The following PGBD2 variants were observed in gnomAD, a reference collection of about 807,000 sequenced individuals.
PGBD2 encodes the protein piggyBac transposable element-derived protein 2.
Under a neutral mutation model 8.1 loss-of-function variants are expected in PGBD2, and 6 were observed. That is an observed-to-expected ratio of 0.74 (90% confidence interval 0.40 to 1.46). The LOEUF (loss-of-function observed/expected upper bound fraction) is 1.46. Ranked by LOEUF, PGBD2 falls within the 40% of genes most tolerant of loss-of-function variation. The pLI is 0.02. For missense variants in PGBD2, 802 were observed against 739.0 expected, an observed-to-expected ratio of 1.09 and a Z score of -0.99; for synonymous variants, 318 against 272.2, an observed-to-expected ratio of 1.17 and a Z score of -1.66.
chr1:248,875,308 C>CAAAAAAAAAAAAAAAAAAAAAAAA, the PGBD2 span, among the ~76,000 whole-genome samples: 6 of 110,224 alleles, frequency 5.4e-5, no homozygotes, highest in Non-Finnish European at 9.1e-5. Flanking sequence ...AAAAACAAAA[C>CAAAAAAAAAAAAAAAAAAAAAAAA]AAAAAAAAAA....
the PGBD2 span, among the ~76,000 whole-genome samples, chr1:248,875,339 A>G: frequency 1.4e-5 from 2 of 140,506 alleles, no homozygotes; most frequent in African/African-American, 6.4e-5. Context: ...GAAAAGAAAA[A>G]AAGAAAGAAA....
chr1:248,874,428 T>A, the PGBD2 span, among the ~76,000 whole-genome samples: 1 of 152,198 alleles, frequency 6.6e-6, no homozygotes, highest in Non-Finnish European at 1.5e-5. Context: ...GGTGTCCTCA[T>A]TTTGCAGAGT....
chr1:248,911,642 C>T (rs6683759), intron 1 of PGBD2, among the ~76,000 whole-genome samples: 3 of 126,182 alleles, frequency 2.4e-5, no homozygotes, highest in East Asian at 4.4e-4. Context: ...GCACACCTCC[C>T]AGACGGGGCG....
chr1:248,889,883 G>A, the PGBD2 span, among the ~76,000 whole-genome samples: 2 of 151,624 alleles, frequency 1.3e-5, no homozygotes, highest in Non-Finnish European at 2.9e-5. Context: ...AGCAGTCCAA[G>A]CCTCTGATAA....
the PGBD2 span, among the ~76,000 whole-genome samples, chr1:248,879,587 CAG>C: frequency 6.6e-6 from 1 of 151,908 alleles, no homozygotes; most frequent in Non-Finnish European, 1.5e-5. Flanking sequence ...TTTGTAGAGA[CAG>C]GGGTCTTGCT....
chr1:248,897,961 G>C, the PGBD2 span, among the ~76,000 whole-genome samples: 1 of 152,178 alleles, frequency 6.6e-6, no homozygotes, highest in East Asian at 1.9e-4. Flanking sequence ...AGCAGCTACG[G>C]CAGGTTGTGG....
intron 2 of PGBD2, among the ~76,000 whole-genome samples, chr1:248,915,431 T>C (rs1305027608): frequency 1.3e-5 from 2 of 152,246 alleles, no homozygotes; most frequent in Non-Finnish European, 2.9e-5. Context: ...TAATACTTAA[T>C]TATAAAATAG....
At chr1:248,922,573 GTA>G (rs1238761591), downstream of PGBD2, among the ~76,000 whole-genome samples, 1 of 152,140 alleles carries the variant, frequency 6.6e-6, no homozygotes, top group Non-Finnish European at 1.5e-5. Flanking sequence ...TGCCCATTCA[GTA>G]TGATATTGGC....
the PGBD2 span, among the ~76,000 whole-genome samples, chr1:248,873,229 T>G: frequency 4.6e-5 from 7 of 152,052 alleles, no homozygotes; most frequent in East Asian, 1.4e-3. Flanking sequence ...GGCCTTCCCA[T>G]TGGACGCTAA....
At chr1:248,923,313 T>TA (rs1662324173), downstream of PGBD2, among the ~76,000 whole-genome samples, 1 of 152,260 alleles carries the variant, frequency 6.6e-6, no homozygotes, top group Admixed American at 6.5e-5. Context: ...ATCCCCTATA[T>TA]GCTTTCTTAT....
upstream of PGBD2, among the ~76,000 whole-genome samples, chr1:248,904,644 G>A (rs763562495): frequency 2.2e-4 from 33 of 152,050 alleles, no homozygotes; most frequent in Non-Finnish European, 4.3e-4. Context: ...GGCTTGCTTC[G>A]CCTCAGAGCA....
At chr1:248,914,874 T>C (rs116176747) in intron 2 of PGBD2, among the ~76,000 whole-genome samples, 1 of 152,178 alleles carries the variant, frequency 6.6e-6, no homozygotes, top group East Asian at 1.9e-4. Flanking sequence ...TCTCTTGTCT[T>C]CATTGCACCT....
At chr1:248,897,160 T>A in the PGBD2 span, among the ~76,000 whole-genome samples, 1 of 151,954 alleles carries the variant, frequency 6.6e-6, no homozygotes, top group Non-Finnish European at 1.5e-5. Context: ...AAGCATTAGG[T>A]GATAGCCTGT....
At chr1:248,925,334 C>T in the PGBD2 span, among the ~76,000 whole-genome samples, 2 of 152,260 alleles carry the variant, frequency 1.3e-5, no homozygotes, top group African/African-American at 2.4e-5. Flanking sequence ...GGCAGTGGGG[C>T]CCAGGCAGGG....
the PGBD2 span, among the ~76,000 whole-genome samples, chr1:248,876,297 C>T: frequency 6.6e-6 from 1 of 152,152 alleles, no homozygotes; most frequent in Admixed American, 6.5e-5. Context: ...CGTGAGCCAC[C>T]GAGCCTGGCC....
the PGBD2 span, among the ~76,000 whole-genome samples, chr1:248,881,153 C>T: frequency 3.3e-5 from 5 of 152,236 alleles, no homozygotes; most frequent in South Asian, 1.0e-3. Flanking sequence ...ATTGCTTAAA[C>T]ACAGTAGGCA....
chr1:248,884,428 C>T, the PGBD2 span, among the ~76,000 whole-genome samples: 1 of 152,102 alleles, frequency 6.6e-6, no homozygotes, highest in South Asian at 2.1e-4. Context: ...GCAACCTTCG[C>T]CTCCTGGGTC....
chr1:248,900,330 C>T, the PGBD2 span, among the ~76,000 whole-genome samples: 9 of 152,016 alleles, frequency 5.9e-5, no homozygotes, highest in Non-Finnish European at 1.3e-4. Flanking sequence ...GAACATCAAT[C>T]CAAAAAATAC....
intron 1 of PGBD2, among the ~76,000 whole-genome samples, chr1:248,907,035 G>T (rs528320194): frequency 2.0e-5 from 3 of 152,076 alleles, no homozygotes; most frequent in Non-Finnish European, 2.9e-5. Flanking sequence ...CCAGGGGACC[G>T]GCACTCAGCA....
Sources: allele counts gnomAD v4.1 joint callset (sites outside exome capture counted in the v4.1 genomes callset), GRCh38; gene constraint gnomAD v4.1.1; transcripts MANE v1.5; gene names NCBI Gene and HGNC (gene_info 2026-07-23, HGNC 2026-07-21).